The following STXBP5 variants were observed in gnomAD, a reference collection of about 807,000 sequenced individuals.
STXBP5 encodes the protein syntaxin-binding protein 5.
In STXBP5, 50 loss-of-function variants were observed where a neutral mutation model predicts 152.4. The observed-to-expected ratio is 0.33, with a 90% CI of 0.26 to 0.42. The LOEUF is 0.42. Among genes scored for constraint, STXBP5 ranks in the 10% least tolerant of loss-of-function variants. The probability of loss-of-function intolerance (pLI) is 1.00; values close to 1 mark genes in which losing one functional copy is unlikely to be tolerated. For missense variants in STXBP5, 1,167 were observed against 1,388.6 expected, an observed-to-expected ratio of 0.84 and a Z score of 2.54; for synonymous variants, 492 against 494.7, an observed-to-expected ratio of 0.99 and a Z score of 0.07.
chr6:147,298,346 A>T (rs1781635882), intron 9 of STXBP5, among the ~76,000 whole-genome samples: 2 of 152,072 alleles, frequency 1.3e-5, no homozygotes, highest in Non-Finnish European at 2.9e-5. Flanking sequence ...AATTATTACT[A>T]CATCTAAAGG....
chr6:147,339,260 G>A, intron 20 of STXBP5, 22 bp downstream of exon 20: 7 of 1,514,130 alleles, frequency 4.6e-6, no homozygotes, highest in Middle Eastern at 2.1e-4. Context: ...TGATTTTAAA[G>A]TATTTTCTTT....
intron 2 of STXBP5, among the ~76,000 whole-genome samples, chr6:147,213,955 T>G (rs1777029013): frequency 6.6e-6 from 1 of 152,176 alleles, no homozygotes; most frequent in African/African-American, 2.4e-5. Context: ...AAGTGATTAC[T>G]GACATGATTT....
intron 9 of STXBP5, among the ~76,000 whole-genome samples, chr6:147,301,003 A>G (rs1781784318): frequency 6.6e-6 from 1 of 152,086 alleles, no homozygotes; most frequent in Admixed American, 6.6e-5. Context: ...TTTAACAGAC[A>G]TTCCTCAAAA....
intron 16 of STXBP5, among the ~76,000 whole-genome samples, chr6:147,318,853 T>TC (rs1782772490): frequency 6.6e-6 from 1 of 152,236 alleles, no homozygotes; most frequent in South Asian, 2.1e-4. Flanking sequence ...TGGTTTTTTT[T>TC]CCTTTTGAAT....
chr6:147,253,572 TC>T (rs898733862), intron 4 of STXBP5, among the ~76,000 whole-genome samples: 1 of 152,006 alleles, frequency 6.6e-6, no homozygotes, highest in African/African-American at 2.4e-5. Flanking sequence ...CAGCCCAAAA[TC>T]TCCTTAAGCT....
intron 9 of STXBP5, among the ~76,000 whole-genome samples, chr6:147,305,603 T>C (rs1669023041): frequency 6.6e-6 from 1 of 152,222 alleles, no homozygotes; most frequent in African/African-American, 2.4e-5. Flanking sequence ...AATAATTTAA[T>C]ACCAAATAGG....
intron 9 of STXBP5, among the ~76,000 whole-genome samples, chr6:147,298,394 C>T (rs910193054): frequency 2.0e-5 from 3 of 152,006 alleles, no homozygotes; most frequent in African/African-American, 7.2e-5. Flanking sequence ...TAGAGGAATT[C>T]AACACCCTAC....
chr6:147,349,255 A>G (rs1413571484), intron 21 of STXBP5, among the ~76,000 whole-genome samples: 1 of 152,180 alleles, frequency 6.6e-6, no homozygotes, highest in East Asian at 1.9e-4. Flanking sequence ...CTGTGATTTC[A>G]TCAGTATATT....
At chr6:147,328,407 G>A (rs1447219379) in intron 18 of STXBP5, among the ~76,000 whole-genome samples, 1 of 152,146 alleles carries the variant, frequency 6.6e-6, no homozygotes, top group East Asian at 1.9e-4. Context: ...TCCTAACTCA[G>A]TCCCCTCTGA....
intron 7 of STXBP5, among the ~76,000 whole-genome samples, chr6:147,275,335 T>G (rs1363055118): frequency 2.0e-5 from 3 of 152,046 alleles, no homozygotes; most frequent in African/African-American, 7.2e-5. Flanking sequence ...CACTGTTGCT[T>G]TGTGGATTAT....
intron 16 of STXBP5, among the ~76,000 whole-genome samples, chr6:147,317,332 T>A (rs1282284651): frequency 6.6e-6 from 1 of 152,202 alleles, no homozygotes; most frequent in East Asian, 1.9e-4. Context: ...TAGATTTTTT[T>A]TATATTACAA....
Position 147,369,255 on chromosome 6 carries a change from T to C in STXBP5, c.3082-4476T>C, listed in dbSNP as rs1562273350. Among the ~76,000 whole-genome samples the C allele has an allele frequency of 1.3e-5, 2 of 152,146 alleles. 1 individual carries two copies. The highest frequency in any genetic ancestry group is 4.1e-4 in the South Asian group (2 of 4,826). ...TTTTCAACAAGTAGTGCTGGAACTATTGGATATTAAAATGCAAAAAAAATC... is the reference window on the plus strand; with the variant it reads ...TTTTCAACAAGTAGTGCTGGAACTACTGGATATTAAAATGCAAAAAAAATC... On this transcript the variant is annotated intron_variant, in intron 25 of 27. Coordinates refer to ENST00000321680, the MANE Select transcript of STXBP5 (RefSeq NM_001127715.4).
chr6:147,219,091 T>A (rs966661664), intron 2 of STXBP5, among the ~76,000 whole-genome samples: 1 of 152,216 alleles, frequency 6.6e-6, no homozygotes, highest in Non-Finnish European at 1.5e-5. Context: ...TTTATGTAGA[T>A]GTTCTTTATC....
intron 21 of STXBP5, among the ~76,000 whole-genome samples, chr6:147,352,739 T>TTTCTC (rs1784645894): frequency 6.6e-6 from 1 of 152,222 alleles, no homozygotes; most frequent in African/African-American, 2.4e-5. Context: ...TCTGAGAAGT[T>TTTCTC]ACTGTTTCTC....
intron 9 of STXBP5, chr6:147,292,140 C>T: frequency 1.0e-5 from 4 of 382,836 alleles, no homozygotes; most frequent in South Asian, 2.0e-5. Flanking sequence ...TACAACTGGC[C>T]CACTCACTTT....
At chr6:147,359,031 A>G in intron 22 of STXBP5, 53 bp from the exon 23 acceptor site, 1 of 1,577,510 alleles carries the variant, frequency 6.3e-7, no homozygotes, top group Non-Finnish European at 8.6e-7. Context: ...AAAACAACAC[A>G]AATAACTTCT....
chr6:147,350,873 A>G (rs912510421), intron 21 of STXBP5, among the ~76,000 whole-genome samples: 5 of 152,180 alleles, frequency 3.3e-5, no homozygotes, highest in Non-Finnish European at 5.9e-5. Flanking sequence ...CTATCCTCAT[A>G]TGACAAATGA....
chr6:147,333,153 C>T (rs760723997), intron 18 of STXBP5, among the ~76,000 whole-genome samples: 1 of 152,184 alleles, frequency 6.6e-6, no homozygotes, highest in Admixed American at 6.5e-5. Flanking sequence ...CCTATAATTA[C>T]ATCTATCATC....
chr6:147,251,239 G>A (rs1779079796), intron 4 of STXBP5, among the ~76,000 whole-genome samples: 1 of 152,262 alleles, frequency 6.6e-6, no homozygotes, highest in Admixed American at 6.5e-5. Context: ...TGCCACGAGG[G>A]ACGGTGCATT....
Sources: gnomAD v4.1 joint callset for allele counts (sites outside exome capture counted in the v4.1 genomes callset) on GRCh38, gnomAD v4.1.1 for gene constraint, MANE v1.5 for transcripts, NCBI Gene and HGNC (gene_info 2026-07-23, HGNC 2026-07-21) for gene names.